The following EPHB2 variants were observed in gnomAD, a reference collection of about 807,000 sequenced individuals.
EPHB2 encodes the protein EPH receptor B2.
A neutral mutation model predicts 96.4 loss-of-function variants in EPHB2; 18 were observed. The observed-to-expected ratio is 0.19, with a 90% CI of 0.13 to 0.28. The LOEUF (loss-of-function observed/expected upper bound fraction) is 0.28, where lower values mean the gene tolerates loss of function less well. EPHB2 is among the 10% of genes least tolerant of loss of function. The pLI is 1.00. For synonymous variants in EPHB2, 506 were observed against 534.1 expected (o/e 0.95, Z 0.72); for missense variants, 989 against 1,355.4 (o/e 0.73, Z 4.25).
intron 3 of EPHB2, among the ~76,000 whole-genome samples, chr1:22,841,392 G>T (rs879568634): frequency 1.3e-4 from 20 of 152,250 alleles, no homozygotes; most frequent in East Asian, 7.7e-4. Context: ...TGTAGGGCAG[G>T]AGGGAGTCTG....
chr1:22,834,128 CA>C (rs1645346130), intron 3 of EPHB2, among the ~76,000 whole-genome samples: 1 of 151,888 alleles, frequency 6.6e-6, no homozygotes, highest in African/African-American at 2.4e-5. Flanking sequence ...ATAGCTTTCT[CA>C]AAAATCAATG....
intron 3 of EPHB2, among the ~76,000 whole-genome samples, chr1:22,795,081 G>T (rs557202265): frequency 1.3e-5 from 2 of 152,272 alleles, no homozygotes; most frequent in South Asian, 4.1e-4. Context: ...ACCCCACCCT[G>T]TTTGGGCACC....
chr1:22,866,859 G>A (rs754110007), intron 5 of EPHB2, among the ~76,000 whole-genome samples: 10 of 152,088 alleles, frequency 6.6e-5, no homozygotes, highest in South Asian at 6.2e-4. Flanking sequence ...GCTTGAACCC[G>A]GGAGGTGAAT....
At position 22,859,038 on chromosome 1, in the gene EPHB2, G is replaced by A. The variant is rs370048931; in HGVS notation, c.812-3999G>A. On this transcript the variant is annotated intron_variant, in intron 3 of 15. Transcript: ENST00000374630. Reference sequence around the variant, plus strand: ...CTGTAATCCCAGCTACTTGGGAGGCGGAGGCAGGAGAATCACTTGAACCTG... The same window carrying A: ...CTGTAATCCCAGCTACTTGGGAGGCAGAGGCAGGAGAATCACTTGAACCTG... Among the ~76,000 whole-genome samples, 38 of 152,066 alleles carry A rather than the reference G, an allele frequency of 2.5e-4. 1 individual carries two copies. Among genetic ancestry groups the A allele is most frequent in the South Asian group, 8.3e-4 (4 of 4,814 alleles).
intron 9 of EPHB2, among the ~76,000 whole-genome samples, chr1:22,896,967 A>C (rs1372376443): frequency 6.6e-6 from 1 of 152,242 alleles, no homozygotes; most frequent in Non-Finnish European, 1.5e-5. Context: ...TGAATAAATA[A>C]GATGATGAGG....
At chr1:22,911,344 C>A (rs1012837882) in intron 14 of EPHB2, among the ~76,000 whole-genome samples, 1 of 152,058 alleles carries the variant, frequency 6.6e-6, no homozygotes, top group Non-Finnish European at 1.5e-5. Flanking sequence ...GATGAACACA[C>A]AATTAGGCAC....
intron 3 of EPHB2, among the ~76,000 whole-genome samples, chr1:22,841,716 G>T (rs1645471931): frequency 1.3e-5 from 2 of 152,206 alleles, no homozygotes; most frequent in African/African-American, 2.4e-5. Context: ...GCCATGGCGA[G>T]ATGTGAATGG....
In EPHB2 at chr1:22,882,411, T is replaced by C. The variant is rs1195226934; in HGVS notation, c.1356T>C (p.Ile452=). The change falls in exon 6 of 16, where the codon ATT becomes ATC. Residue 452 remains isoleucine, a synonymous_variant. Transcript: ENST00000374630. Reference sequence around the variant, plus strand: ...AGGTGAGCCGCACCGTGGACAGCATTACCCTGTCGTGGTCCCAGCCGGACC... The same window carrying C: ...AGGTGAGCCGCACCGTGGACAGCATCACCCTGTCGTGGTCCCAGCCGGACC... ...MHQVSRTVDS[I]TLSWSQPDQP... 2 of 1,614,178 alleles carry C rather than the reference T, an allele frequency of 1.2e-6. No homozygotes were observed. Among genetic ancestry groups the C allele is most frequent in the African/African-American group, 1.3e-5 (1 of 75,060 alleles).
chr1:22,813,626 G>A (rs755310196), intron 3 of EPHB2, among the ~76,000 whole-genome samples: 6 of 152,222 alleles, frequency 3.9e-5, no homozygotes, highest in Non-Finnish European at 5.9e-5. Context: ...GGGCATGCCC[G>A]GATTTTCCTG....
intron 6 of EPHB2, among the ~76,000 whole-genome samples, chr1:22,884,892 T>C (rs879807419): frequency 1.6e-4 from 24 of 152,146 alleles, no homozygotes; most frequent in Non-Finnish European, 3.1e-4. Flanking sequence ...TTTTAAGTGT[T>C]ATGGAGTAAT....
chr1:22,756,641 C>T (rs1192179673), intron 1 of EPHB2, among the ~76,000 whole-genome samples: 1 of 152,012 alleles, frequency 6.6e-6, no homozygotes, highest in African/African-American at 2.4e-5. Context: ...CTGGAGGATG[C>T]TCTCCAGCCC....
intron 1 of EPHB2, among the ~76,000 whole-genome samples, chr1:22,743,459 T>C (rs1238784377): frequency 6.6e-6 from 1 of 151,982 alleles, no homozygotes; most frequent in African/African-American, 2.4e-5. Context: ...TTTCTGTAAA[T>C]TTAATTTTAT....
Position 22,863,037 on chromosome 1 carries a change from G to T in EPHB2, c.812G>T (p.Gly271Val). Reference sequence around the variant, plus strand: ...TGACTCTCCTTGTCTTCTCTCTCAGGTTGTCCATCTGGGACTTTCAAGGCC... The same window carrying T: ...TGACTCTCCTTGTCTTCTCTCTCAGTTTGTCCATCTGGGACTTTCAAGGCC... ...EAVENGTVCR[G>V]CPSGTFKANQ... The change falls in exon 4 of 16, where the codon GGT (glycine) becomes GTT (valine). Residue 271 changes from glycine to valine, a missense_variant and splice_region_variant. Transcript: ENST00000374630. 6.2e-7 allele frequency: 1 copy of T among 1,614,136 alleles called. No individual in the cohort carries two copies. Among genetic ancestry groups the T allele is most frequent in the Non-Finnish European group, 8.5e-7 (1 of 1,180,020 alleles).
chr1:22,797,946 G>A lies in EPHB2; in HGVS notation c.811+12870G>A, dbSNP rs545551956. On this transcript the variant is annotated intron_variant, in intron 3 of 15. Coordinates refer to ENST00000374630, the MANE Select transcript of EPHB2 (RefSeq NM_017449.5). Reference sequence around the variant, plus strand: ...AATGTCACCTGCTCACTGAGATCCCGCATCACCCAATTTTTATACAGGCAC... The same window carrying A: ...AATGTCACCTGCTCACTGAGATCCCACATCACCCAATTTTTATACAGGCAC... Among the ~76,000 whole-genome samples, 82 of 152,086 alleles carry A rather than the reference G, an allele frequency of 5.4e-4. 1 individual carries two copies. Among genetic ancestry groups the A allele is most frequent in the African/African-American group, 1.8e-3 (76 of 41,480 alleles).
intron 5 of EPHB2, among the ~76,000 whole-genome samples, chr1:22,880,124 C>A (rs1638987316): frequency 6.6e-6 from 1 of 152,074 alleles, no homozygotes; most frequent in African/African-American, 2.4e-5. Flanking sequence ...GATCTTCTAG[C>A]CTGGCCAGGG....
intron 1 of EPHB2, among the ~76,000 whole-genome samples, chr1:22,744,970 G>C (rs1302087470): frequency 6.6e-6 from 1 of 152,218 alleles, no homozygotes; most frequent in Non-Finnish European, 1.5e-5. Flanking sequence ...CGTTGAGCAG[G>C]CTGAGGAGGA....
intron 9 of EPHB2, among the ~76,000 whole-genome samples, chr1:22,900,624 TGGGGA>T (rs1489275938): frequency 1.3e-5 from 2 of 152,142 alleles, no homozygotes; most frequent in Non-Finnish European, 2.9e-5. Flanking sequence ...CTGGAGCCAC[TGGGGA>T]GCATTGCTAT....
At position 22,851,151 on chromosome 1, in the gene EPHB2, C is replaced by T. The variant is rs558195782; in HGVS notation, c.812-11886C>T. 1.6e-4 allele frequency among the ~76,000 whole-genome samples: 25 copies of T among 152,256 alleles called. 1 individual carries two copies. The highest frequency in any genetic ancestry group is 6.2e-4 in the South Asian group (3 of 4,818). On this transcript the variant is annotated intron_variant, in intron 3 of 15. Coordinates refer to ENST00000374630, the MANE Select transcript of EPHB2 (RefSeq NM_017449.5). The stretch of plus-strand genomic sequence containing the variant: ...CTGGGACCACAGGCTTGTGCCACCA[C>T]GCCCAGCTCATTTTTTAAAATTTTT...
intron 3 of EPHB2, among the ~76,000 whole-genome samples, chr1:22,840,961 T>C (rs1473069624): frequency 6.6e-6 from 1 of 152,206 alleles, no homozygotes. Flanking sequence ...GGAAGTGGTC[T>C]GACTCCCAAA....
Sources: gnomAD v4.1 joint callset for allele counts (sites outside exome capture counted in the v4.1 genomes callset) on GRCh38, gnomAD v4.1.1 for gene constraint, MANE v1.5 for transcripts, NCBI Gene and HGNC (gene_info 2026-07-23, HGNC 2026-07-21) for gene names.